The following MINPP1 variants were observed in gnomAD, a reference collection of about 807,000 sequenced individuals.
The protein encoded by MINPP1 is multiple inositol-polyphosphate phosphatase 1.
In MINPP1, 28 loss-of-function variants were observed where a neutral mutation model predicts 46.1. The observed-to-expected ratio is 0.61, with a 90% confidence interval of 0.45 to 0.83. The LOEUF (loss-of-function observed/expected upper bound fraction) is 0.83, where lower values mean the gene tolerates loss of function less well. Among genes scored for constraint, MINPP1 ranks in the 40% least tolerant of loss-of-function variants. The probability of loss-of-function intolerance (pLI) is 0.00; values close to 1 mark genes in which losing one functional copy is unlikely to be tolerated. For synonymous variants in MINPP1, 268 were observed against 249.1 expected (o/e 1.08, Z -0.72); for missense variants, 603 against 610.0 (o/e 0.99, Z 0.12).
At chr10:87,519,152 T>C (rs934775567) in intron 3 of MINPP1, among the ~76,000 whole-genome samples, 2 of 152,154 alleles carry the variant, frequency 1.3e-5, no homozygotes, top group Admixed American at 6.5e-5. Flanking sequence ...ATATGGGAGT[T>C]ACAAACCAGG....
chr10:87,525,157 CTACT>C (rs1210203407), intron 4 of MINPP1, among the ~76,000 whole-genome samples: 6 of 152,204 alleles, frequency 3.9e-5, no homozygotes, highest in Non-Finnish European at 8.8e-5. Flanking sequence ...TACAGTTTAC[CTACT>C]TAAAGTGCAC....
At chr10:87,508,090 C>G (rs1414809620) in intron 1 of MINPP1, 26 of 1,497,036 alleles carry the variant, frequency 1.7e-5, no homozygotes, top group East Asian at 2.5e-5. Flanking sequence ...TGCGTAGCAT[C>G]TCTACAACAC....
chr10:87,526,424 C>A (rs1396828899), intron 4 of MINPP1, among the ~76,000 whole-genome samples: 2 of 152,070 alleles, frequency 1.3e-5, no homozygotes, highest in Non-Finnish European at 2.9e-5. Flanking sequence ...TGTTTAAGTT[C>A]TTTGTAGATT....
chr10:87,517,676 A>T (rs1851431955), intron 3 of MINPP1, among the ~76,000 whole-genome samples: 1 of 152,164 alleles, frequency 6.6e-6, no homozygotes. Flanking sequence ...TGGGGCTATT[A>T]TGAACCTTGT....
chr10:87,541,699 C>T (rs1476230452), intron 4 of MINPP1, among the ~76,000 whole-genome samples: 1 of 152,166 alleles, frequency 6.6e-6, no homozygotes, highest in Non-Finnish European at 1.5e-5. Flanking sequence ...AGGAAGCTTA[C>T]AGTCATGGTG....
intron 3 of MINPP1, among the ~76,000 whole-genome samples, chr10:87,520,057 A>AGTTGTGTGTGTGTGT (rs1554852418): frequency 6.8e-6 from 1 of 147,364 alleles, no homozygotes; most frequent in African/African-American, 2.5e-5. Context: ...TAAAAGGTAT[A>AGTTGTGTGTGTGTGT]GTGTGTGTGT....
intron 4 of MINPP1, among the ~76,000 whole-genome samples, chr10:87,548,809 C>G (rs960485465): frequency 1.3e-5 from 2 of 151,916 alleles, no homozygotes; most frequent in South Asian, 2.1e-4. Context: ...TTAACTAGAC[C>G]TTTAAGATAT....
intron 4 of MINPP1, among the ~76,000 whole-genome samples, chr10:87,543,331 A>T (rs1031089304): frequency 2.0e-5 from 3 of 152,190 alleles, no homozygotes; most frequent in Non-Finnish European, 4.4e-5. Flanking sequence ...GAAGAATCCT[A>T]GCAGGCTGTG....
intron 4 of MINPP1, among the ~76,000 whole-genome samples, chr10:87,547,429 T>C (rs1851903394): frequency 6.6e-6 from 1 of 152,174 alleles, no homozygotes; most frequent in African/African-American, 2.4e-5. Context: ...GAAAGTAAAT[T>C]TAAGTGACTA....
intron 4 of MINPP1, among the ~76,000 whole-genome samples, chr10:87,543,608 C>G (rs1158960592): frequency 6.6e-6 from 1 of 152,078 alleles, no homozygotes; most frequent in East Asian, 1.9e-4. Flanking sequence ...GAGCTATGAT[C>G]ACTAAAATGA....
chr10:87,520,479 C>G (rs12356542), intron 3 of MINPP1, among the ~76,000 whole-genome samples: 57,873 of 151,832 alleles, frequency 0.38, 11,807 homozygotes, highest in Non-Finnish European at 0.47. Flanking sequence ...TCCCCATATC[C>G]TTGGTACACT....
At chr10:87,524,825 A>G (rs1851551532) in intron 4 of MINPP1, among the ~76,000 whole-genome samples, 1 of 152,200 alleles carries the variant, frequency 6.6e-6, no homozygotes, top group Non-Finnish European at 1.5e-5. Context: ...ACCATCTTAT[A>G]TGGGTGGGGT....
rs1457335854 is a variant in MINPP1 at position 87,504,977 on chromosome 10, C to A, written c.62C>A (p.Ala21Glu). 6.2e-7 allele frequency: 1 copy of A among 1,611,990 alleles called. No individual in the cohort carries two copies. Among genetic ancestry groups the A allele is most frequent in the East Asian group, 2.2e-5 (1 of 44,870 alleles). The change falls in exon 1 of 5, where the codon GCG becomes GAG. Residue 21 changes from alanine to glutamate, a missense_variant. Physicochemically the swap from Ala to Glu is moderately radical, Grantham distance 107. Around this residue, in one of 3 missense-constraint regions of MINPP1, gnomAD observed 239 missense variants for 189.4 expected, o/e 1.26. Coordinates refer to ENST00000371996, the MANE Select transcript of MINPP1 (RefSeq NM_004897.5). The part of the protein sequence containing the change: ...TSVAPAAALA[A>E]ALLSSLARCS... ...GTAGCGCCTGCCGCGGCCCTGGCTG[C>A]GGCGCTGCTCTCGTCGCTTGCGCGC...
chr10:87,550,957 TCACA>T (rs1292852611), intron 4 of MINPP1, among the ~76,000 whole-genome samples: 1 of 152,024 alleles, frequency 6.6e-6, no homozygotes, highest in Non-Finnish European at 1.5e-5. Flanking sequence ...TATATCCAGT[TCACA>T]CACAGCGCTT....
chr10:87,548,381 G>T (rs1424029819), intron 4 of MINPP1, among the ~76,000 whole-genome samples: 1 of 152,120 alleles, frequency 6.6e-6, no homozygotes, highest in Non-Finnish European at 1.5e-5. Context: ...GGCATGAAAT[G>T]ACAGAGCCTG....
intron 4 of MINPP1, among the ~76,000 whole-genome samples, chr10:87,541,807 G>A (rs1208596650): frequency 6.6e-6 from 1 of 152,154 alleles, no homozygotes; most frequent in Non-Finnish European, 1.5e-5. Context: ...AATCTCATAT[G>A]AACTAACTGA....
intron 4 of MINPP1, among the ~76,000 whole-genome samples, chr10:87,542,753 C>T (rs1312528912): frequency 6.6e-6 from 1 of 152,156 alleles, no homozygotes; most frequent in East Asian, 1.9e-4. Context: ...GAACCGTAAG[C>T]CAAAATACAC....
chr10:87,542,843 A>C (rs1476282788), intron 4 of MINPP1, among the ~76,000 whole-genome samples: 2 of 152,332 alleles, frequency 1.3e-5, no homozygotes, highest in East Asian at 3.9e-4. Context: ...ATTGGTACCA[A>C]GGCATGGGGC....
chr10:87,513,559 T>C (rs58008143), intron 3 of MINPP1, among the ~76,000 whole-genome samples: 4,679 of 152,244 alleles, frequency 0.031, 239 homozygotes, highest in African/African-American at 0.1. Flanking sequence ...CCAGATTCTT[T>C]TTATGGGAAG....
Sources: allele counts gnomAD v4.1 joint callset (sites outside exome capture counted in the v4.1 genomes callset), GRCh38; gene constraint gnomAD v4.1.1; regional missense constraint gnomAD v4.1.1; transcripts MANE v1.5; gene names NCBI Gene and HGNC (gene_info 2026-07-23, HGNC 2026-07-21).